The following KCNH2 variants were observed in gnomAD, a reference collection of about 807,000 sequenced individuals.
KCNH2 encodes the protein voltage-gated inwardly rectifying potassium channel KCNH2.
KCNH2 carries 35 observed loss-of-function variants against 95.9 expected under a neutral mutation model. The observed-to-expected ratio is 0.37, with a 90% confidence interval of 0.28 to 0.48. The LOEUF is 0.48. Ranked by LOEUF, KCNH2 falls within the 20% of genes least tolerant of loss-of-function variation. The pLI, the probability that KCNH2 is intolerant of heterozygous loss-of-function variation, is 0.99. For synonymous variants in KCNH2, 786 were observed against 754.7 expected (o/e 1.04, Z -0.68); for missense variants, 1,274 against 1,702.9 (o/e 0.75, Z 4.43).
In KCNH2 at chr7:150,947,045, G is replaced by C. The variant is rs368701315; in HGVS notation, c.3162C>G (p.Thr1054=). 65 of 1,600,530 alleles carry C rather than the reference G, an allele frequency of 4.1e-5. No homozygotes were observed. The highest frequency in any genetic ancestry group is 4.9e-5 in the Non-Finnish European group (57 of 1,171,402). The change falls in exon 14 of 15, where the codon ACC becomes ACG. Residue 1054 remains threonine, a synonymous_variant. Coordinates refer to ENST00000262186, the MANE Select transcript of KCNH2 (RefSeq NM_000238.4). The part of the protein sequence containing the change: ...ALQRQLNRLE[T]RLSADMATVL... ...CAGTGGCCATGTCTGCACTCAGCCG[G>C]GTCTCCAGCCTGGGGCAGGAAGTGG...
intron 12 of KCNH2, 37 bp downstream of exon 12, chr7:150,947,569 G>C: frequency 6.2e-7 from 1 of 1,607,894 alleles, no homozygotes; most frequent in South Asian, 1.1e-5. Flanking sequence ...CCGCTGCCAC[G>C]CCCGGTCCTC....
At chr7:150,973,424 TG>T (rs747198260) in intron 2 of KCNH2, among the ~76,000 whole-genome samples, 20 of 152,208 alleles carry the variant, frequency 1.3e-4, no homozygotes, top group Non-Finnish European at 2.1e-4. Context: ...TCTACCTCCC[TG>T]GGTTGTGAAG....
At position 150,952,511 on chromosome 7, in the gene KCNH2, C is replaced by A; in HGVS notation, c.1471G>T (p.Val491Phe). Residue 491 changes from valine (V) to phenylalanine (F), a missense_variant, in exon 6 of 15, where the codon GTC becomes TTC. Transcript: ENST00000262186. This position sits in a 1 kb window ranked among gnomAD's most constrained non-coding sequence, Gnocchi z 7.3. ...EVVSHPGRIA[V>F]HYFKGWFLID... Reference sequence around the variant, plus strand: ...AGGAACCAGCCCTTGAAGTAGTGGACGGCGATGCGGCCGGGGTGGCTGACC... The same window carrying A: ...AGGAACCAGCCCTTGAAGTAGTGGAAGGCGATGCGGCCGGGGTGGCTGACC... 1.2e-6 allele frequency: 2 copies of A among 1,614,126 alleles called. No homozygotes were observed. Among genetic ancestry groups the A allele is most frequent in the Non-Finnish European group, 1.7e-6 (2 of 1,180,026 alleles).
chr7:150,961,294 CTTTT>C lies in KCNH2; in HGVS notation c.308-1562_308-1559del, dbSNP rs58129336. 2.5e-5 allele frequency among the ~76,000 whole-genome samples: 3 copies of C among 122,132 alleles called. No homozygotes were observed. The East Asian group carries it at 1.0e-3, about 42-fold the overall frequency. The allele number at this position is 122,132 out of a possible 152,430, so 80.1% of individuals were successfully genotyped here. On this transcript the variant is annotated intron_variant, in intron 2 of 14. Transcript: ENST00000262186. The surrounding 1 kb of genome is among the most constrained non-coding windows in gnomAD (Gnocchi z 6.2). ...ACTCCATCTTAGCAACCCAGCCTCA[CTTTT>C]TTTTTTTTTTTTTTTCTGAGACAGG...
At chr7:150,963,831 T>G (rs886870892) in intron 2 of KCNH2, among the ~76,000 whole-genome samples, 10 of 152,306 alleles carry the variant, frequency 6.6e-5, no homozygotes, top group African/African-American at 2.4e-4. Flanking sequence ...CCAGAGGCCA[T>G]GCAGCTCAGA....
rs199472880 is a variant in KCNH2, at chr7:150,958,110, C to G, written c.865G>C (p.Glu289Gln). Reference sequence around the variant, plus strand: ...GGCAGCACCCCGGCGCGCATGGCCTCGATGTCGTCGGCCGACGAGGCGCGG... The same window carrying G: ...GGCAGCACCCCGGCGCGCATGGCCTGGATGTCGTCGGCCGACGAGGCGCGG... ...VRRASSADDI[E>Q]AMRAGVLPPP... The change falls in exon 4 of 15, where the codon GAG becomes CAG. Residue 289 changes from glutamate to glutamine, a missense_variant. Physicochemically the swap from Glu to Gln is conservative, Grantham distance 29. Coordinates refer to ENST00000262186, the MANE Select transcript of KCNH2 (RefSeq NM_000238.4). The G allele has an allele frequency of 2.3e-6, 3 of 1,296,880 alleles. No homozygotes were observed. Among genetic ancestry groups the G allele is most frequent in the Non-Finnish European group, 2.9e-6 (3 of 1,026,836 alleles). 80.3% of individuals were successfully genotyped at this position (1,296,880 alleles called of 1,614,324 possible).
intron 2 of KCNH2, among the ~76,000 whole-genome samples, chr7:150,968,499 T>C (rs1018039648): frequency 6.6e-6 from 1 of 152,112 alleles, no homozygotes; most frequent in African/African-American, 2.4e-5. Context: ...ATACAACATA[T>C]AGCACAATAT....
At chr7:150,966,435 A>C (rs952382559) in intron 2 of KCNH2, among the ~76,000 whole-genome samples, 1 of 142,958 alleles carries the variant, frequency 7.0e-6, no homozygotes, top group African/African-American at 2.6e-5. Flanking sequence ...CCAACAAACA[A>C]ATACGAGTGC....
At position 150,962,882 on chromosome 7, in the gene KCNH2, G is replaced by A. The variant is rs550670013; in HGVS notation, c.308-3146C>T. On this transcript the variant is annotated intron_variant, in intron 2 of 14. Coordinates refer to ENST00000262186, the MANE Select transcript of KCNH2 (RefSeq NM_000238.4). This position sits in a 1 kb window ranked among gnomAD's most constrained non-coding sequence, Gnocchi z 5.7. Reference sequence around the variant, plus strand: ...GCACTGCCTGCAACCACCCTGCCGCGTCGGCTGGGGCTTCGGTGAACTGCC... The same window carrying A: ...GCACTGCCTGCAACCACCCTGCCGCATCGGCTGGGGCTTCGGTGAACTGCC... Among the ~76,000 whole-genome samples the A allele has an allele frequency of 7.5e-4, 114 of 152,290 alleles. 1 individual carries two copies. The highest frequency in any genetic ancestry group is 2.5e-3 in the African/African-American group (103 of 41,576).
At chr7:150,972,418 C>T (rs866097029) in intron 2 of KCNH2, among the ~76,000 whole-genome samples, 2 of 152,222 alleles carry the variant, frequency 1.3e-5, no homozygotes, top group African/African-American at 2.4e-5. Flanking sequence ...AGCCAGGTCC[C>T]GGGGATCACA....
In KCNH2 at chr7:150,947,422, G is replaced by C. The variant is rs41307274; in HGVS notation, c.3058C>G (p.Pro1020Ala). The C allele has an allele frequency of 6.4e-7, 1 of 1,554,726 alleles. No individual in the cohort carries two copies. The highest frequency in any genetic ancestry group is 8.7e-7 in the Non-Finnish European group (1 of 1,149,288). ...GAGAGGGGGATGTTGAGGAGGCTGG[G>C]GGTGGGGGCGGGGCATCGAGGGAGC... is the stretch of plus-strand genomic sequence containing the variant. ...QELPRCPAPT[P>A]SLLNIPLSSP... The change falls in exon 13 of 15, where the codon CCC becomes GCC. Residue 1020 changes from proline to alanine, a missense_variant. Transcript: ENST00000262186.
At chr7:150,959,006 A>T (rs974237930) in intron 3 of KCNH2, among the ~76,000 whole-genome samples, 1 of 152,212 alleles carries the variant, frequency 6.6e-6, no homozygotes. Context: ...GATTAAAATT[A>T]AGCCAAAGAG....
At chr7:150,969,915 A>G (rs1163896986) in intron 2 of KCNH2, among the ~76,000 whole-genome samples, 5 of 152,120 alleles carry the variant, frequency 3.3e-5, no homozygotes, top group Non-Finnish European at 5.9e-5. Flanking sequence ...GACTAAGGAC[A>G]TGGAGGGGAC....
chr7:150,959,736 C>G lies in KCNH2; in HGVS notation c.308G>C (p.Gly103Ala). Residue 103 changes from glycine (G) to alanine (A), a missense_variant and splice_region_variant, in exon 3 of 15, where the codon GGG becomes GCG. Coordinates refer to ENST00000262186, the MANE Select transcript of KCNH2 (RefSeq NM_000238.4). ...ATCCACCAGACATAGGAAGCAGCTCCCTGCAGAGTGGGAGGACATAGCCCC... is the reference window on the plus strand; with the variant it reads ...ATCCACCAGACATAGGAAGCAGCTCGCTGCAGAGTGGGAGGACATAGCCCC... ...KVEIAFYRKD[G>A]SCFLCLVDVV... 1 of 1,614,166 alleles carries G rather than the reference C, an allele frequency of 6.2e-7. No individual in the cohort carries two copies. The highest frequency in any genetic ancestry group is 8.5e-7 in the Non-Finnish European group (1 of 1,180,022).
chr7:150,950,209 G>A lies in KCNH2; in HGVS notation c.2357C>T (p.Ser786Phe). The change falls in exon 9 of 15, where the codon TCC becomes TTC. Residue 786 changes from serine to phenylalanine, a missense_variant. This residue lies in a region of KCNH2 where 159 missense variants were observed against 282.5 expected (regional missense o/e 0.56). Transcript: ENST00000262186. ...GACGTCGCCCCGCAGGATCTCGATG[G>A]AGCCCCGGGAGATGAAGTACAGGGC... ...LTALYFISRG[S>F]IEILRGDVVV... 6.2e-7 allele frequency: 1 copy of A among 1,612,494 alleles called. No individual in the cohort carries two copies. Among genetic ancestry groups the A allele is most frequent in the South Asian group, 1.1e-5 (1 of 90,976 alleles).
rs199472990 is a variant in KCNH2 at position 150,950,312 on chromosome 7, G to A, written c.2254C>T (p.Arg752Trp). 2.5e-6 allele frequency: 4 copies of A among 1,613,678 alleles called. No individual in the cohort carries two copies. The highest frequency in any genetic ancestry group is 1.7e-5 in the Admixed American group (1 of 60,004). The part of the protein sequence containing the change: ...PFRGATKGCL[R>W]ALAMKFKTTH... ...GTCTTGAACTTCATGGCCAGGGCCC[G>A]AAGGCAGCCCTTGGTGGCCCCTCGG... The change falls in exon 9 of 15, where the codon CGG becomes TGG. Residue 752 changes from arginine (R) to tryptophan (W), a missense_variant. By Grantham distance (101) the Arg-to-Trp change is moderately radical. This residue lies in a region of KCNH2 where 159 missense variants were observed against 282.5 expected (regional missense o/e 0.56). Coordinates refer to ENST00000262186, the MANE Select transcript of KCNH2 (RefSeq NM_000238.4).
chr7:150,963,019 C>G (rs536702620), intron 2 of KCNH2, among the ~76,000 whole-genome samples: 1 of 152,338 alleles, frequency 6.6e-6, no homozygotes, highest in Admixed American at 6.5e-5. Flanking sequence ...GCCACCTACT[C>G]CAGACCCCCA....
chr7:150,953,251 C>T (rs969263391), intron 5 of KCNH2, among the ~76,000 whole-genome samples: 1 of 152,208 alleles, frequency 6.6e-6, no homozygotes, highest in African/African-American at 2.4e-5. Flanking sequence ...AGGACAACAG[C>T]TCCCAACCTG....
At chr7:150,973,496 A>C (rs1391155758) in intron 2 of KCNH2, among the ~76,000 whole-genome samples, 1 of 152,186 alleles carries the variant, frequency 6.6e-6, no homozygotes. Flanking sequence ...GAAACCATCC[A>C]CTGCCTTCAG....
Sources: gnomAD v4.1 joint callset for allele counts (sites outside exome capture counted in the v4.1 genomes callset) on GRCh38, gnomAD v4.1.1 for gene constraint, gnomAD v4.1.1 regional missense constraint, Gnocchi (gnomAD v3.1) non-coding constraint, MANE v1.5 for transcripts, NCBI Gene and HGNC (gene_info 2026-07-23, HGNC 2026-07-21) for gene names.